Variants in ABI2 observed in about 807,000 individuals in gnomAD.
ABI2 encodes the protein abl interactor 2, also known as abelson interactor 2.
A neutral mutation model predicts 59.2 loss-of-function variants in ABI2; 25 were observed. The observed-to-expected ratio is 0.42, with a 90% confidence interval of 0.31 to 0.59. The LOEUF (loss-of-function observed/expected upper bound fraction) is 0.59. Ranked by LOEUF, ABI2 falls within the 20% of genes least tolerant of loss-of-function variation. The pLI is 0.14. For missense variants in ABI2, 545 were observed against 681.8 expected, an observed-to-expected ratio of 0.80 and a Z score of 2.23; for synonymous variants, 213 against 235.5, an observed-to-expected ratio of 0.90 and a Z score of 0.87.
chr2:203,371,832 GT>G (rs949610801), intron 2 of ABI2, among the ~76,000 whole-genome samples: 2 of 151,728 alleles, frequency 1.3e-5, no homozygotes, highest in East Asian at 1.9e-4. Flanking sequence ...TTTCTGGTAA[GT>G]TTTTTTTAAT....
intron 1 of ABI2, among the ~76,000 whole-genome samples, chr2:203,334,723 C>G (rs942347623): frequency 6.7e-6 from 1 of 150,348 alleles, no homozygotes; most frequent in Non-Finnish European, 1.5e-5. Flanking sequence ...TACAGTGGTG[C>G]GATCTCAGCT....
intron 1 of ABI2, among the ~76,000 whole-genome samples, chr2:203,339,302 G>T (rs549938640): frequency 6.6e-6 from 1 of 151,770 alleles, no homozygotes; most frequent in Admixed American, 6.6e-5. Flanking sequence ...GGTTCCGGCC[G>T]GGTGTGGTGG....
At chr2:203,408,429 A>G (rs1463360230) in intron 9 of ABI2, among the ~76,000 whole-genome samples, 2 of 149,950 alleles carry the variant, frequency 1.3e-5, no homozygotes, top group Non-Finnish European at 3.0e-5. Context: ...TTCCAAAGTG[A>G]TGGGATTACA....
At chr2:203,328,885 G>C (rs906065481) in intron 1 of ABI2, 4 of 300,990 alleles carry the variant, frequency 1.3e-5, no homozygotes, top group African/African-American at 2.2e-5. Context: ...CCTCCTCGCC[G>C]CTCCCGCCCT....
chr2:203,344,918 CGCTCTGTAAAATGGACCAACCAGT>C (rs1329016680), intron 1 of ABI2, among the ~76,000 whole-genome samples: 148 of 152,164 alleles, frequency 9.7e-4, no homozygotes, highest in African/African-American at 2.9e-3. Context: ...AACCAATCAG[CGCTCTGTAAAATGGACCAACCAGT>C]GCTCTGTAAA....
At chr2:203,389,216 G>A (rs1429487914) in intron 4 of ABI2, among the ~76,000 whole-genome samples, 1 of 152,150 alleles carries the variant, frequency 6.6e-6, no homozygotes, top group Admixed American at 6.5e-5. Context: ...ATTAATGAGA[G>A]GGAGAGCAAG....
chr2:203,385,139 C>CT lies in ABI2; in HGVS notation c.480+2946dup, dbSNP rs10527327. 1.2e-3 allele frequency among the ~76,000 whole-genome samples: 83 copies of CT among 69,958 alleles called. 7 individuals carry two copies. Among genetic ancestry groups the CT allele is most frequent in the South Asian group, 4.0e-3 (5 of 1,254 alleles). The allele number at this position is 69,958 out of a possible 152,430, so 45.9% of individuals were successfully genotyped here. ...TGAGCCACCGCACCCGGCTCAGATT[C>CT]TTTTTTTTTTTTTGAGACAGTCTTG... On this transcript the variant is annotated intron_variant, in intron 4 of 11. Coordinates refer to ENST00000261018, the MANE Select transcript of ABI2 (RefSeq NM_001375670.1).
At chr2:203,342,316 T>C in intron 1 of ABI2, 1 of 432,306 alleles carries the variant, frequency 2.3e-6, no homozygotes, top group Non-Finnish European at 4.6e-6. Context: ...ATTAATGGAG[T>C]TGAACTGCAT....
intron 1 of ABI2, among the ~76,000 whole-genome samples, chr2:203,356,300 T>C (rs2091936203): frequency 6.6e-6 from 1 of 152,142 alleles, no homozygotes; most frequent in Non-Finnish European, 1.5e-5. Context: ...TGTCTTAGCC[T>C]CCCAAGTAGC....
intron 1 of ABI2, among the ~76,000 whole-genome samples, chr2:203,351,249 T>C (rs1319232540): frequency 2.0e-5 from 3 of 152,186 alleles, no homozygotes; most frequent in Admixed American, 6.5e-5. Context: ...TACTGTACTT[T>C]TATAGTTTTA....
At chr2:203,411,457 TG>T in intron 10 of ABI2, 86 bp downstream of exon 10, 1 of 1,017,640 alleles carries the variant, frequency 9.8e-7, no homozygotes. Flanking sequence ...GTCATTCATT[TG>T]CTGATACTTC....
At chr2:203,371,120 C>T (rs935900932) in intron 2 of ABI2, among the ~76,000 whole-genome samples, 4 of 152,142 alleles carry the variant, frequency 2.6e-5, no homozygotes, top group African/African-American at 9.7e-5. Context: ...TAAATGTTTT[C>T]CATCTTGAAT....
chr2:203,343,791 C>A (rs2081489762), intron 1 of ABI2, among the ~76,000 whole-genome samples: 1 of 152,200 alleles, frequency 6.6e-6, no homozygotes, highest in Admixed American at 6.5e-5. Context: ...ATCAGGTCCC[C>A]TTTCTCCCTT....
intron 1 of ABI2, among the ~76,000 whole-genome samples, chr2:203,349,152 A>G (rs944565078): frequency 1.3e-5 from 2 of 151,622 alleles, no homozygotes; most frequent in Non-Finnish European, 2.9e-5. Flanking sequence ...TTGTTGCGCA[A>G]GCTGGTCTCC....
At chr2:203,393,708 T>C (rs565760916) in intron 5 of ABI2, among the ~76,000 whole-genome samples, 1 of 152,316 alleles carries the variant, frequency 6.6e-6, no homozygotes, top group Non-Finnish European at 1.5e-5. Context: ...CATAAGTCAG[T>C]AGAGCAACAT....
chr2:203,360,586 G>A (rs1456130480), intron 1 of ABI2, among the ~76,000 whole-genome samples: 1 of 152,194 alleles, frequency 6.6e-6, no homozygotes, highest in Non-Finnish European at 1.5e-5. Context: ...GGCTAAAGAA[G>A]CAGTTTAGCA....
rs1269832043 is a variant in ABI2 at position 203,328,675 on chromosome 2, C to T, written c.117+44C>T. 4.3e-6 allele frequency: 6 copies of T among 1,381,874 alleles called. No individual in the cohort carries two copies. The African/African-American group carries it at 7.5e-5, about 17-fold the overall frequency. The allele number at this position is 1,381,874 out of a possible 1,614,324, so 85.6% of individuals were successfully genotyped here. On this transcript the variant is annotated intron_variant, in intron 1 of 11. Transcript: ENST00000261018. ...TGGGCCGCGTCGGGGACCCCCCCGC[C>T]GGGGGCCGCGCGCCTCGGGGCGTGG...
chr2:203,350,807 G>A (rs998310875), intron 1 of ABI2, among the ~76,000 whole-genome samples: 7 of 151,394 alleles, frequency 4.6e-5, no homozygotes, highest in Non-Finnish European at 8.8e-5. Flanking sequence ...CAAAGTGCTG[G>A]GATTATAGGC....
At chr2:203,335,682 A>G (rs1424930804) in intron 1 of ABI2, among the ~76,000 whole-genome samples, 2 of 152,208 alleles carry the variant, frequency 1.3e-5, no homozygotes, top group Non-Finnish European at 2.9e-5. Context: ...TCATATTTGC[A>G]TAATTCATGC....
Sources: gnomAD v4.1 joint callset for allele counts (sites outside exome capture counted in the v4.1 genomes callset) on GRCh38, gnomAD v4.1.1 for gene constraint, MANE v1.5 for transcripts, NCBI Gene and HGNC (gene_info 2026-07-23, HGNC 2026-07-21) for gene names.